HMCN2: variants seen among roughly 807,000 people sequenced by gnomAD.
HMCN2 encodes the protein hemicentin 2.
In HMCN2, 325 loss-of-function variants were observed where a neutral mutation model predicts 377.5. That is an observed-to-expected ratio of 0.86 (90% CI 0.79 to 0.94). HMCN2 has a LOEUF of 0.94. Among genes scored for constraint, HMCN2 ranks in the 40% least tolerant of loss-of-function variants. The probability of loss-of-function intolerance (pLI) is 0.00; values close to 1 mark genes in which losing one functional copy is unlikely to be tolerated. For missense variants in HMCN2, 4,543 were observed against 4,725.3 expected (o/e 0.96, Z 1.13); for synonymous variants, 2,007 against 2,046.8 (o/e 0.98, Z 0.53).
rs146768546 is a variant in HMCN2, at chr9:130,389,364, C to T, written c.9523+824C>T. ...ACATTTTTATCACCAAAAGGACACCCGTATCCATTAGCAATCACTCCCCGT... is the reference window on the plus strand; with the variant it reads ...ACATTTTTATCACCAAAAGGACACCTGTATCCATTAGCAATCACTCCCCGT... On this transcript the variant is annotated intron_variant, in intron 62 of 97. Coordinates refer to ENST00000683500, the MANE Select transcript of HMCN2 (RefSeq NM_001291815.2). Among the ~76,000 whole-genome samples the T allele has an allele frequency of 3.9e-3, 590 of 152,230 alleles. 4 individuals are homozygous for T. The highest frequency in any genetic ancestry group is 0.011 in the African/African-American group (455 of 41,544).
intron 34 of HMCN2, among the ~76,000 whole-genome samples, chr9:130,356,756 T>A (rs1444399295): frequency 6.6e-6 from 1 of 152,246 alleles, no homozygotes. Flanking sequence ...TATTTGGTTG[T>A]CCATCTCCAC....
At position 130,303,229 on chromosome 9, in the gene HMCN2, C is replaced by G. The variant is rs138428671; in HGVS notation, c.1421+228C>G. 1.3e-5 allele frequency among the ~76,000 whole-genome samples: 2 copies of G among 152,342 alleles called. No individual in the cohort carries two copies. The highest frequency in any genetic ancestry group is 3.9e-4 in the East Asian group (2 of 5,184). On this transcript the variant is annotated intron_variant, in intron 9 of 97. Transcript: ENST00000683500. The surrounding 1 kb of genome is among the most constrained non-coding windows in gnomAD (Gnocchi z 5.2). Reference sequence around the variant, plus strand: ...GCTGGTGAAGGAGCCGGGGGCCTTCCTCAGCTCCTGGAAAACTCAACCCAT... The same window carrying G: ...GCTGGTGAAGGAGCCGGGGGCCTTCGTCAGCTCCTGGAAAACTCAACCCAT...
rs1324994519 is a variant in HMCN2 at position 130,304,698 on chromosome 9, C to G, written c.1544-32C>G. The stretch of plus-strand genomic sequence containing the variant: ...GATGACCCCCTCCCTTGCCTCAGCT[C>G]CTTGGTTCCTCCTGTGCTCATGTCC... On this transcript the variant is annotated intron_variant, in intron 10 of 97. Transcript: ENST00000683500. The surrounding 1 kb of genome is among the most constrained non-coding windows in gnomAD (Gnocchi z 4.3). 2.3e-6 allele frequency: 1 copy of G among 443,206 alleles called. No homozygotes were observed. Among genetic ancestry groups the G allele is most frequent in the East Asian group, 7.2e-5 (1 of 13,944 alleles). The allele number at this position is 443,206 out of a possible 1,614,324, so 27.5% of individuals were successfully genotyped here. A position where few individuals can be genotyped will look rare whatever the true frequency, so the allele number is the denominator to read the frequency against.
chr9:130,288,771 T>C (rs1185829429), intron 4 of HMCN2, among the ~76,000 whole-genome samples: 5 of 152,194 alleles, frequency 3.3e-5, no homozygotes, highest in Admixed American at 6.5e-5. Flanking sequence ...ATTTCACTTT[T>C]TTTCAATTGT....
chr9:130,274,200 G>A (rs1402609324), intron 1 of HMCN2, among the ~76,000 whole-genome samples: 2 of 151,890 alleles, frequency 1.3e-5, no homozygotes, highest in Non-Finnish European at 2.9e-5. Context: ...CTACAGGTGT[G>A]CACCACCATG....
In HMCN2 at chr9:130,363,766, T is replaced by A. The variant is rs578139278; in HGVS notation, c.6232+776T>A. Among the ~76,000 whole-genome samples the A allele has an allele frequency of 4.0e-3, 576 of 144,398 alleles. 1 individual carries two copies. Among genetic ancestry groups the A allele is most frequent in the Non-Finnish European group, 6.5e-3 (435 of 66,906 alleles). 94.7% of individuals were successfully genotyped at this position (144,398 alleles called of 152,430 possible). On this transcript the variant is annotated intron_variant, in intron 40 of 97. Coordinates refer to ENST00000683500, the MANE Select transcript of HMCN2 (RefSeq NM_001291815.2). ...TGAACCTGGGAGGTAGAGGTTGCAG[T>A]GAGCTGAGATCATGTCACTGCACTC...
At chr9:130,415,502 G>A (rs995822472) in intron 85 of HMCN2, among the ~76,000 whole-genome samples, 3 of 152,142 alleles carry the variant, frequency 2.0e-5, no homozygotes, top group African/African-American at 7.2e-5. Flanking sequence ...ACCATGCCCG[G>A]CTACTTTATT....
Position 130,294,960 on chromosome 9 carries a change from A to C in HMCN2, c.718A>C (p.Ser240Arg), listed in dbSNP as rs1836035806. 2 of 471,002 alleles carry C rather than the reference A, an allele frequency of 4.2e-6. No individual in the cohort carries two copies. Among genetic ancestry groups the C allele is most frequent in the Non-Finnish European group, 8.8e-6 (2 of 226,962 alleles). The allele number at this position is 471,002 out of a possible 1,614,324, so 29.2% of individuals were successfully genotyped here. ...EHTWRLPFDP[S>R]LKEVTISLSG... ...CACATGGAGACTCCCCTTTGACCCC[A>C]GCCTGAAGGAGGTCACCATCTCATT... is the stretch of plus-strand genomic sequence containing the variant. The change falls in exon 5 of 98, where the codon AGC becomes CGC. Residue 240 changes from serine (S) to arginine (R), a missense_variant. This residue lies in a region of HMCN2 where 547 missense variants were observed against 189.9 expected (regional missense o/e 2.88). Coordinates refer to ENST00000683500, the MANE Select transcript of HMCN2 (RefSeq NM_001291815.2).
rs74997293 is a variant in HMCN2, at chr9:130,419,816, G to A, written c.13231+775G>A. On this transcript the variant is annotated intron_variant, in intron 86 of 97. Transcript: ENST00000683500. The stretch of plus-strand genomic sequence containing the variant: ...TCTCCAATGAGCCCTCCCAGGCAGC[G>A]CCTCTCAGCTAATTGGAATTGGGAC... 3.0e-4 allele frequency among the ~76,000 whole-genome samples: 46 copies of A among 152,226 alleles called. No homozygotes were observed. In the East Asian group the frequency reaches 4.3e-3, roughly 14 times the overall value.
In HMCN2 at chr9:130,362,172, AGGGCT is replaced by A. The variant is rs1313970484; in HGVS notation, c.6108+11_6108+15del. On this transcript the variant is annotated splice_region_variant and intron_variant, in intron 39 of 97. Coordinates refer to ENST00000683500, the MANE Select transcript of HMCN2 (RefSeq NM_001291815.2). The stretch of plus-strand genomic sequence containing the variant: ...AGGGACCCCTGGCCTGCAGGTCAGT[AGGGCT>A]GGGTGGCCCCGGCTCAACCTCCCTG... 5.1e-6 allele frequency: 5 copies of A among 985,794 alleles called. No individual in the cohort carries two copies. Among genetic ancestry groups the A allele is most frequent in the Non-Finnish European group, 6.0e-6 (5 of 829,974 alleles). 61.1% of individuals were successfully genotyped at this position (985,794 alleles called of 1,614,324 possible).
chr9:130,359,431 T>A lies in HMCN2; in HGVS notation c.5773+17T>A, dbSNP rs1353926420. 2 of 1,272,530 alleles carry A rather than the reference T, an allele frequency of 1.6e-6. No individual in the cohort carries two copies. Among genetic ancestry groups the A allele is most frequent in the Non-Finnish European group, 2.1e-6 (2 of 961,252 alleles). 78.8% of individuals were successfully genotyped at this position (1,272,530 alleles called of 1,614,324 possible). A position where few individuals can be genotyped will look rare whatever the true frequency, so the allele number is the denominator to read the frequency against. ...CCCCTCCTGGTAAGACCCCTCCTCT[T>A]GGCTGAAAGCTACTTCCAGCCCAAT... On this transcript the variant is annotated intron_variant, in intron 37 of 97. Transcript: ENST00000683500.
chr9:130,340,373 A>G (rs1463018891), intron 23 of HMCN2, among the ~76,000 whole-genome samples: 2 of 152,242 alleles, frequency 1.3e-5, no homozygotes, highest in Non-Finnish European at 1.5e-5. Flanking sequence ...TGGCTGGAGC[A>G]GGGTCCCTTG....
intron 22 of HMCN2, among the ~76,000 whole-genome samples, chr9:130,336,810 G>A (rs1027410294): frequency 3.9e-5 from 6 of 152,254 alleles, no homozygotes; most frequent in East Asian, 3.9e-4. Context: ...TGCATGGCCC[G>A]CGCTTTGCTC....
At chr9:130,275,650 A>G (rs1415263226) in intron 1 of HMCN2, among the ~76,000 whole-genome samples, 1 of 152,030 alleles carries the variant, frequency 6.6e-6, no homozygotes, top group African/African-American at 2.4e-5. Flanking sequence ...GAGTTTCACT[A>G]TGTTGGCCAG....
At position 130,377,835 on chromosome 9, in the gene HMCN2, G is replaced by A. The variant is rs188094316; in HGVS notation, c.8212+36G>A. On this transcript the variant is annotated intron_variant, in intron 53 of 97. Transcript: ENST00000683500. The stretch of plus-strand genomic sequence containing the variant: ...CCAGTGGGCCAGGGGTGGGGCGTCA[G>A]CCAGTGTGAGGACATTGTGGGGCTG... 13 of 985,884 alleles carry A rather than the reference G, an allele frequency of 1.3e-5. No individual in the cohort carries two copies. The Admixed American group carries it at 1.8e-4, about 14-fold the overall frequency. 61.1% of individuals were successfully genotyped at this position (985,884 alleles called of 1,614,324 possible). A position where few individuals can be genotyped will look rare whatever the true frequency, so the allele number is the denominator to read the frequency against.
rs781880161 is a variant in HMCN2, at chr9:130,303,688, A to T, written c.1543+80A>T. 1.5e-5 allele frequency: 3 copies of T among 206,192 alleles called. No individual in the cohort carries two copies. Among genetic ancestry groups the T allele is most frequent in the African/African-American group, 4.8e-5 (2 of 41,796 alleles). The allele number at this position is 206,192 out of a possible 1,614,324, so 12.8% of individuals were successfully genotyped here. On this transcript the variant is annotated intron_variant, in intron 10 of 97. Coordinates refer to ENST00000683500, the MANE Select transcript of HMCN2 (RefSeq NM_001291815.2). The surrounding 1 kb of genome is among the most constrained non-coding windows in gnomAD (Gnocchi z 5.2). The stretch of plus-strand genomic sequence containing the variant: ...TTACCCCTAGGATTTCCTCCAGGCG[A>T]GTCTCCAGCCAGCTGCTGGGACAAT...
At chr9:130,396,836 G>A (rs978984803) in intron 73 of HMCN2, among the ~76,000 whole-genome samples, 1 of 152,236 alleles carries the variant, frequency 6.6e-6, no homozygotes, top group African/African-American at 2.4e-5. Context: ...CCCTTGGAAA[G>A]GGCATTTTTC....
chr9:130,396,053 G>T lies in HMCN2; in HGVS notation c.11041G>T (p.Val3681Leu). ...AGGCAGCACTAGTGTCGCCTTCCGCGTGGAGATCCACAGTGAGTAGGGCCC... is the reference window on the plus strand; with the variant it reads ...AGGCAGCACTAGTGTCGCCTTCCGCTTGGAGATCCACAGTGAGTAGGGCCC... ...AAGSTSVAFR[V>L]EIHTVPTIRS... Residue 3681 changes from valine (V) to leucine (L), a missense_variant, in exon 72 of 98, where the codon GTG becomes TTG. Transcript: ENST00000683500. The T allele has an allele frequency of 7.8e-7, 1 of 1,284,178 alleles. No individual in the cohort carries two copies. Among genetic ancestry groups the T allele is most frequent in the South Asian group, 1.2e-5 (1 of 80,548 alleles). The allele number at this position is 1,284,178 out of a possible 1,614,324, so 79.5% of individuals were successfully genotyped here.
Position 130,406,062 on chromosome 9 carries a change from TG to T in HMCN2, c.12451del (p.Asp4151ThrfsTer78), listed in dbSNP as rs755407002. ...TACTGCCTGTGTTCACCACCCTGCC[TG>T]GGGACCGCAGCCTGCGCCTTGGGGA... Reference protein sequence around the residue: ...LVLPVFTTLPGDRSLRLGDRL... With the variant: ...LVLPVFTTLPXDRSLRLGDRL... On this transcript the variant is annotated frameshift_variant, in exon 82 of 98. Transcript: ENST00000683500. LOFTEE classifies it high-confidence loss of function. The T allele has an allele frequency of 2.1e-5, 27 of 1,289,742 alleles. No individual in the cohort carries two copies. The East Asian group carries it at 2.8e-4, about 13-fold the overall frequency. 79.9% of individuals were successfully genotyped at this position (1,289,742 alleles called of 1,614,324 possible).
Sources: allele counts gnomAD v4.1 joint callset (sites outside exome capture counted in the v4.1 genomes callset), GRCh38; gene constraint gnomAD v4.1.1; regional missense constraint gnomAD v4.1.1; non-coding constraint Gnocchi (gnomAD v3.1); transcripts MANE v1.5; gene names NCBI Gene and HGNC (gene_info 2026-07-23, HGNC 2026-07-21).